C14orf39: variants seen among roughly 807,000 people sequenced by gnomAD.
The protein encoded by C14orf39 is chromosome 14 open reading frame 39.
In C14orf39, 66 loss-of-function variants were observed where a neutral mutation model predicts 85.6. The observed-to-expected ratio is 0.77, with a 90% CI of 0.63 to 0.95. C14orf39 has a LOEUF of 0.95. C14orf39 is among the 40% of genes least tolerant of loss of function. The probability of loss-of-function intolerance (pLI) is 0.00; values close to 1 mark genes in which losing one functional copy is unlikely to be tolerated. For missense variants in C14orf39, 735 were observed against 663.9 expected, an observed-to-expected ratio of 1.11 and a Z score of -1.18; for synonymous variants, 242 against 214.0, an observed-to-expected ratio of 1.13 and a Z score of -1.14.
intron 16 of C14orf39, among the ~76,000 whole-genome samples, chr14:60,450,176 ACTAGGTACCAGCTCAGC>A (rs1420169204): frequency 6.6e-6 from 1 of 152,220 alleles, no homozygotes; most frequent in Non-Finnish European, 1.5e-5. Context: ...TATCTTGCAC[ACTAGGTACCAGCTCAGC>A]CACAGTGGAG....
At chr14:60,448,347 G>GA (rs942290734) in intron 16 of C14orf39, among the ~76,000 whole-genome samples, 1 of 150,834 alleles carries the variant, frequency 6.6e-6, no homozygotes, top group African/African-American at 2.4e-5. Context: ...AAATTTATAA[G>GA]AAAAAAAATA....
chr14:60,469,610 T>C lies in C14orf39; in HGVS notation c.598A>G (p.Ser200Gly), dbSNP rs1212725804. Residue 200 changes from serine to glycine, a missense_variant, in exon 8 of 18, where the codon AGC becomes GGC. Ser to Gly is a moderately conservative substitution (Grantham distance 56, BLOSUM62 0). Transcript: ENST00000321731. Reference sequence around the variant, plus strand: ...TCGGATGAACTTTTGGTAAGATTGCTGGCATGTTTAAGAATATCTTGTGTT... The same window carrying C: ...TCGGATGAACTTTTGGTAAGATTGCCGGCATGTTTAAGAATATCTTGTGTT... ...CETQDILKHA[S>G]NLTKSSSELK... The C allele has an allele frequency of 2.0e-6, 3 of 1,521,566 alleles. No homozygotes were observed. The highest frequency in any genetic ancestry group is 3.8e-5 in the Admixed American group (2 of 52,246). 94.3% of individuals were successfully genotyped at this position (1,521,566 alleles called of 1,614,324 possible).
intron 16 of C14orf39, among the ~76,000 whole-genome samples, chr14:60,442,538 T>G (rs947105269): frequency 5.9e-5 from 9 of 152,170 alleles, no homozygotes; most frequent in Non-Finnish European, 2.9e-5. Context: ...AAACAGGCTT[T>G]TAAAAAAAAT....
intron 5 of C14orf39, 33 bp downstream of exon 5, chr14:60,478,267 A>G: frequency 8.9e-7 from 1 of 1,119,254 alleles, no homozygotes. Context: ...ATACAAACTT[A>G]TAGAATTGAT....
Position 60,491,687 on chromosome 14 carries a change from T to G in C14orf39, c.-8-6601A>C, listed in dbSNP as rs1169073500. Among the ~76,000 whole-genome samples, 3 of 152,200 alleles carry G rather than the reference T, an allele frequency of 2.0e-5. No homozygotes were observed. The highest frequency in any genetic ancestry group is 7.2e-5 in the African/African-American group (3 of 41,456). On this transcript the variant is annotated intron_variant, in intron 2 of 5. Transcript: ENST00000556799. This position sits in a 1 kb window ranked among gnomAD's most constrained non-coding sequence, Gnocchi z 4.5. ...TTTCAGCTGCCGCCATCTAAATTCA[T>G]TCTCTCACCTGGATTATTGTACTAA...
chr14:60,451,127 G>A (rs537698986), intron 16 of C14orf39, among the ~76,000 whole-genome samples: 1 of 152,048 alleles, frequency 6.6e-6, no homozygotes, highest in African/African-American at 2.4e-5. Context: ...AAATCACCAG[G>A]GACCAGTCCT....
chr14:60,507,300 A>G (rs1893217133), intron 1 of C14orf39, among the ~76,000 whole-genome samples: 1 of 152,078 alleles, frequency 6.6e-6, no homozygotes, highest in African/African-American at 2.4e-5. Context: ...CCGGCCACCG[A>G]GGCCCTCTTT....
chr14:60,469,291 CTAAA>C (rs1301070984), intron 8 of C14orf39, among the ~76,000 whole-genome samples: 1 of 147,098 alleles, frequency 6.8e-6, no homozygotes, highest in South Asian at 2.1e-4. Context: ...TATTCAGTAC[CTAAA>C]TATATATATT....
At chr14:60,444,977 A>G (rs1458639896) in intron 16 of C14orf39, among the ~76,000 whole-genome samples, 1 of 152,230 alleles carries the variant, frequency 6.6e-6, no homozygotes. Context: ...AACCTTCATA[A>G]GTGAAGGAGA....
intron 5 of C14orf39, among the ~76,000 whole-genome samples, chr14:60,474,078 A>C (rs1484741948): frequency 2.6e-5 from 4 of 151,990 alleles, no homozygotes; most frequent in Non-Finnish European, 5.9e-5. Flanking sequence ...CTTTTATTTC[A>C]TTGAGCAGTG....
chr14:60,478,516 A>T, intron 4 of C14orf39, 127 bp from the exon 5 acceptor site: 1 of 478,366 alleles, frequency 2.1e-6, no homozygotes, highest in Non-Finnish European at 3.6e-6. Flanking sequence ...AAACAAGCTT[A>T]CATCAAGAAA....
upstream of C14orf39, among the ~76,000 whole-genome samples, chr14:60,490,164 T>C (rs1892964909): frequency 1.3e-5 from 2 of 152,188 alleles, no homozygotes; most frequent in Admixed American, 1.3e-4. Context: ...TCATCTGTAC[T>C]CCATGTGCAT....
Position 60,455,103 on chromosome 14 carries a change from C to A in C14orf39, c.1401G>T (p.Lys467Asn). The part of the protein sequence containing the change: ...RNAVPEVQTE[K>N]ESPGLSFLMS... The stretch of plus-strand genomic sequence containing the variant: ...TAAGAAAAGAAAGTCCAGGGGATTC[C>A]TTTTCTGTTTGAACTTCAGGTACTG... Residue 467 changes from lysine (K) to asparagine (N), a missense_variant, in exon 16 of 18, where the codon AAG (lysine) becomes AAT (asparagine). Physicochemically the swap from Lys to Asn is moderately conservative, Grantham distance 94. Transcript: ENST00000321731. The A allele has an allele frequency of 6.4e-7, 1 of 1,569,692 alleles. No homozygotes were observed. Among genetic ancestry groups the A allele is most frequent in the Non-Finnish European group, 8.6e-7 (1 of 1,164,632 alleles).
intron 2 of C14orf39, chr14:60,495,587 C>A: frequency 4.4e-6 from 1 of 226,890 alleles, no homozygotes; most frequent in East Asian, 1.0e-4. Flanking sequence ...CCATTTTGTC[C>A]TGGAACTTGG....
At chr14:60,463,871 G>A (rs1891652827) in intron 11 of C14orf39, among the ~76,000 whole-genome samples, 1 of 152,074 alleles carries the variant, frequency 6.6e-6, no homozygotes, top group African/African-American at 2.4e-5. Context: ...GTGCTATTCA[G>A]ATTCCCTAAA....
At position 60,500,633 on chromosome 14, in the gene C14orf39, C is replaced by T. The variant is rs949776330; in HGVS notation, c.-143-1203G>A. Among the ~76,000 whole-genome samples the T allele has an allele frequency of 1.3e-4, 20 of 151,878 alleles. 1 individual carries two copies. Among genetic ancestry groups the T allele is most frequent in the South Asian group, 2.1e-4 (1 of 4,820 alleles). On this transcript the variant is annotated intron_variant, in intron 1 of 5. Coordinates refer to the C14orf39 transcript ENST00000556799. Reference sequence around the variant, plus strand: ...TATTTATGGTCAAGAAAAATGTTCACGAAATGTTATCAGGAAAAGGCTATA... The same window carrying T: ...TATTTATGGTCAAGAAAAATGTTCATGAAATGTTATCAGGAAAAGGCTATA...
rs1425363551 is a variant in C14orf39, at chr14:60,484,559, TA to T, written c.106+321del. 6.6e-6 allele frequency among the ~76,000 whole-genome samples: 1 copy of T among 152,008 alleles called. No individual in the cohort carries two copies. Among genetic ancestry groups the T allele is most frequent in the East Asian group, 1.9e-4 (1 of 5,200 alleles). ...TGATTTCTGGTGGTTTCTATAAAGATAAAAAAAATTTCACTCAACTATTTGA... is the reference window on the plus strand; with the variant it reads ...TGATTTCTGGTGGTTTCTATAAAGATAAAAAAATTTCACTCAACTATTTGA... On this transcript the variant is annotated intron_variant, in intron 3 of 17. Coordinates refer to ENST00000321731, the MANE Select transcript of C14orf39 (RefSeq NM_174978.3). The surrounding 1 kb of genome is among the most constrained non-coding windows in gnomAD (Gnocchi z 4.2).
At chr14:60,443,293 C>G (rs1890610691) in intron 16 of C14orf39, among the ~76,000 whole-genome samples, 1 of 152,152 alleles carries the variant, frequency 6.6e-6, no homozygotes, top group Admixed American at 6.5e-5. Flanking sequence ...ACAGACTGTA[C>G]CTGGAAAAAC....
chr14:60,457,118 AAC>A lies in C14orf39; in HGVS notation c.1180-25_1180-24del, dbSNP rs1891316511. The A allele has an allele frequency of 2.1e-6, 3 of 1,460,924 alleles. No individual in the cohort carries two copies. The South Asian group carries it at 4.1e-5, about 20-fold the overall frequency. 90.5% of individuals were successfully genotyped at this position (1,460,924 alleles called of 1,614,324 possible). A position where few individuals can be genotyped will look rare whatever the true frequency, so the allele number is the denominator to read the frequency against. On this transcript the variant is annotated intron_variant, in intron 14 of 17. Transcript: ENST00000321731. ...AGCCTGCAAATTCAAAGTAACAGAAAACTATAAAACAAATGCTGCTGCATTAA... is the reference window on the plus strand; with the variant it reads ...AGCCTGCAAATTCAAAGTAACAGAAATATAAAACAAATGCTGCTGCATTAA...
Sources: allele counts gnomAD v4.1 joint callset (sites outside exome capture counted in the v4.1 genomes callset), GRCh38; gene constraint gnomAD v4.1.1; non-coding constraint Gnocchi (gnomAD v3.1); transcripts MANE v1.5; gene names NCBI Gene and HGNC (gene_info 2026-07-23, HGNC 2026-07-21).